MCM5: variants seen among roughly 807,000 people sequenced by gnomAD.
MCM5 encodes the protein minichromosome maintenance complex component 5.
A neutral mutation model predicts 79.9 loss-of-function variants in MCM5; 46 were observed. That is an observed-to-expected ratio of 0.58 (90% confidence interval 0.45 to 0.74). The LOEUF is 0.74. Ranked by LOEUF, MCM5 falls within the 30% of genes least tolerant of loss-of-function variation. The pLI, the probability that MCM5 is intolerant of heterozygous loss-of-function variation, is 0.00. For missense variants in MCM5, 883 were observed against 1,017.0 expected (o/e 0.87, Z 1.79); for synonymous variants, 404 against 390.5 (o/e 1.03, Z -0.41).
chr22:35,444,321 G>C, the MCM5 span, among the ~76,000 whole-genome samples: 1 of 152,054 alleles, frequency 6.6e-6, no homozygotes, highest in Non-Finnish European at 1.5e-5. Context: ...GGTAATTCAA[G>C]GGGGAAGCAG....
chr22:35,449,261 A>G, the MCM5 span, among the ~76,000 whole-genome samples: 2 of 152,230 alleles, frequency 1.3e-5, no homozygotes, highest in Non-Finnish European at 2.9e-5. Flanking sequence ...CCATACAGTC[A>G]GGGAAGAACG....
At chr22:35,451,075 C>T in the MCM5 span, among the ~76,000 whole-genome samples, 1 of 152,188 alleles carries the variant, frequency 6.6e-6, no homozygotes, top group African/African-American at 2.4e-5. Flanking sequence ...CCCCTCCATG[C>T]TCTACCCCAA....
chr22:35,438,811 CCA>C, the MCM5 span, among the ~76,000 whole-genome samples: 92,287 of 126,758 alleles, frequency 0.73, 34,370 homozygotes, highest in African/African-American at 0.82. Flanking sequence ...ATCCATCCAT[CCA>C]TCCGTCCATC....
the MCM5 span, among the ~76,000 whole-genome samples, chr22:35,451,596 A>T: frequency 2.0e-5 from 3 of 152,120 alleles, no homozygotes; most frequent in African/African-American, 7.2e-5. Context: ...TTGTGCCCTC[A>T]TTTATCTCTG....
In MCM5 at chr22:35,408,416, C is replaced by T; in HGVS notation, c.605C>T (p.Ala202Val). The T allele has an allele frequency of 1.9e-6, 3 of 1,613,960 alleles. No individual in the cohort carries two copies. The highest frequency in any genetic ancestry group is 2.5e-6 in the Non-Finnish European group (3 of 1,179,844). The change falls in exon 6 of 17, where the codon GCT becomes GTT. Residue 202 changes from alanine (A) to valine (V), a missense_variant. Physicochemically the swap from Ala to Val is moderately conservative, Grantham distance 64. Around this residue, in one of 3 missense-constraint regions of MCM5, gnomAD observed 455 missense variants for 517.5 expected, o/e 0.88. Coordinates refer to ENST00000216122, the MANE Select transcript of MCM5 (RefSeq NM_006739.4). ...ALPRKCNTDQ[A>V]GRPKCPLDPY... ...TCCCTTACCTTGTACAGAGATCAGG[C>T]TGGGCGCCCCAAATGCCCATTGGAC...
At chr22:35,423,102 C>A in intron 15 of MCM5, 112 bp from the exon 16 acceptor site, 1 of 1,248,100 alleles carries the variant, frequency 8.0e-7, no homozygotes, top group Non-Finnish European at 1.1e-6. Context: ...CCTTTTCTGA[C>A]TTACTCTTCG....
Position 35,417,773 on chromosome 22 carries a change from C to T in MCM5, c.1620C>T (p.His540=), listed in dbSNP as rs200904087. 57 of 1,614,116 alleles carry T rather than the reference C, an allele frequency of 3.5e-5. No individual in the cohort carries two copies. In the East Asian group the frequency reaches 5.8e-4, roughly 16 times the overall value. The change falls in exon 13 of 17, where the codon CAC becomes CAT. Residue 540 remains histidine (H), a synonymous_variant. Transcript: ENST00000216122. The part of the protein sequence containing the change: ...VMLAKHVITL[H]VSALTQTQAV... Reference sequence around the variant, plus strand: ...TGGCCAAGCATGTCATCACTCTGCACGTGAGCGCACTGACACAGACACAGG... The same window carrying T: ...TGGCCAAGCATGTCATCACTCTGCATGTGAGCGCACTGACACAGACACAGG...
At chr22:35,423,425 T>TA in intron 16 of MCM5, 84 bp downstream of exon 16, 1 of 1,449,010 alleles carries the variant, frequency 6.9e-7, no homozygotes, top group Non-Finnish European at 9.3e-7. Flanking sequence ...ACTGGCATCT[T>TA]ACTCAGCAGA....
At chr22:35,438,685 A>ATCCG in the MCM5 span, among the ~76,000 whole-genome samples, 1 of 150,660 alleles carries the variant, frequency 6.6e-6, no homozygotes, top group South Asian at 2.1e-4. Context: ...CCATCCATCC[A>ATCCG]TCCATCCACC....
At position 35,403,135 on chromosome 22, in the gene MCM5, C is replaced by G. The variant is rs1169021864; in HGVS notation, c.168-72C>G. The G allele has an allele frequency of 8.9e-6, 14 of 1,576,412 alleles. No individual in the cohort carries two copies. In the East Asian group the frequency reaches 3.1e-4, roughly 35 times the overall value. On this transcript the variant is annotated intron_variant, in intron 2 of 16. Transcript: ENST00000216122. ...GTGTGGGCAGATTCAGGGGTGCAGG[C>G]ACACCTCAGCCAGTGTTGGTTTCCT...
chr22:35,406,299 TC>T (rs57728496), intron 4 of MCM5, among the ~76,000 whole-genome samples: 1,428 of 128,630 alleles, frequency 0.011, 82 homozygotes, highest in African/African-American at 0.037. Flanking sequence ...CCCTGCCACC[TC>T]CCCCCCCAAT....
downstream of MCM5, among the ~76,000 whole-genome samples, chr22:35,428,015 C>A (rs1219397097): frequency 4.6e-5 from 6 of 131,118 alleles, no homozygotes; most frequent in African/African-American, 1.4e-4. Context: ...ATCGCTCTCT[C>A]TCTCTCTTTT....
At chr22:35,442,543 G>A in the MCM5 span, among the ~76,000 whole-genome samples, 8 of 152,192 alleles carry the variant, frequency 5.3e-5, no homozygotes, top group Non-Finnish European at 1.0e-4. Flanking sequence ...CAGTTTCCTC[G>A]CCTTTGCCAG....
In MCM5 at chr22:35,419,946, T is replaced by C; in HGVS notation, c.1766T>C (p.Met589Thr). Residue 589 changes from methionine (M) to threonine (T), a missense_variant, in exon 14 of 17, where the codon ATG (methionine) becomes ACG (threonine). By Grantham distance (81) the Met-to-Thr change is moderately conservative. Coordinates refer to ENST00000216122, the MANE Select transcript of MCM5 (RefSeq NM_006739.4). ...AAACTGAAGAACCGCTACATCATCA[T>C]GCGGAGCGGGGCCCGTCAGCACGAG... The part of the protein sequence containing the change: ...AEKLKNRYII[M>T]RSGARQHERD... 1.2e-6 allele frequency: 2 copies of C among 1,613,308 alleles called. No homozygotes were observed. Among genetic ancestry groups the C allele is most frequent in the African/African-American group, 1.3e-5 (1 of 75,032 alleles).
chr22:35,453,485 CAG>C, the MCM5 span, among the ~76,000 whole-genome samples: 1 of 145,954 alleles, frequency 6.9e-6, no homozygotes, highest in African/African-American at 2.6e-5. Context: ...GACAGAGGGA[CAG>C]ATACAGAGAG....
At chr22:35,411,110 G>A (rs1268251418) in intron 7 of MCM5, 200 bp downstream of exon 7, 3 of 498,946 alleles carry the variant, frequency 6.0e-6, no homozygotes, top group East Asian at 3.3e-5. Context: ...GGCTGAGGGT[G>A]TTTGCCTAAG....
chr22:35,411,557 A>G (rs1348774604), intron 7 of MCM5: 1 of 152,260 alleles, frequency 6.6e-6, no homozygotes, highest in Non-Finnish European at 1.5e-5. Context: ...GTGGTGTAAG[A>G]GGCCTTGAGT....
the MCM5 span, among the ~76,000 whole-genome samples, chr22:35,449,659 C>T: frequency 3.3e-5 from 5 of 152,174 alleles, no homozygotes; most frequent in Admixed American, 3.3e-4. Context: ...CCCATGCTGA[C>T]ATGTGGCAGT....
the MCM5 span, among the ~76,000 whole-genome samples, chr22:35,433,798 A>G: frequency 1.4e-4 from 21 of 152,096 alleles, no homozygotes; most frequent in African/African-American, 5.1e-4. Flanking sequence ...ATCCCTCCTC[A>G]GAGGCACTGG....
Sources: allele counts gnomAD v4.1 joint callset (sites outside exome capture counted in the v4.1 genomes callset), GRCh38; gene constraint gnomAD v4.1.1; regional missense constraint gnomAD v4.1.1; transcripts MANE v1.5; gene names NCBI Gene and HGNC (gene_info 2026-07-23, HGNC 2026-07-21).